NEBL: variants seen among roughly 807,000 people sequenced by gnomAD.
NEBL encodes the protein nebulette.
NEBL carries 122 observed loss-of-function variants against 140.2 expected under a neutral mutation model. The ratio of observed to expected loss-of-function variants is 0.87; its 90% CI spans 0.75 to 1.01. The LOEUF (loss-of-function observed/expected upper bound fraction) is 1.01, where lower values mean the gene tolerates loss of function less well. Ranked by LOEUF, NEBL falls within the 50% of genes least tolerant of loss-of-function variation. NEBL has a pLI of 0.00. For missense variants in NEBL, 1,365 were observed against 1,231.3 expected, an observed-to-expected ratio of 1.11 and a Z score of -1.62; for synonymous variants, 436 against 398.9, an observed-to-expected ratio of 1.09 and a Z score of -1.11.
intron 2 of NEBL, among the ~76,000 whole-genome samples, chr10:21,037,431 C>T (rs910071296): frequency 9.8e-6 from 1 of 102,036 alleles, no homozygotes; most frequent in Non-Finnish European, 2.2e-5. Flanking sequence ...AAAGTAAGAA[C>T]AAATTGCAAA....
chr10:21,073,635 A>C (rs968766671), intron 2 of NEBL, among the ~76,000 whole-genome samples: 1 of 151,354 alleles, frequency 6.6e-6, no homozygotes, highest in Non-Finnish European at 1.5e-5. Flanking sequence ...AAAAAAAAAA[A>C]AAGTCTTTAT....
intron 3 of NEBL, among the ~76,000 whole-genome samples, chr10:20,962,225 G>T (rs868120163): frequency 3.9e-5 from 6 of 152,298 alleles, no homozygotes; most frequent in Middle Eastern, 3.4e-3. Flanking sequence ...TCCTGTGCCC[G>T]CCTGTCAGTG....
At chr10:21,229,952 T>C (rs573398869) in intron 3 of NEBL, among the ~76,000 whole-genome samples, 187 of 152,338 alleles carry the variant, frequency 1.2e-3, no homozygotes, top group Middle Eastern at 3.4e-3. Flanking sequence ...GTGCCCTGCA[T>C]GGGGTGGCCA....
chr10:21,027,290 C>T (rs759749353), intron 2 of NEBL, among the ~76,000 whole-genome samples: 12 of 145,116 alleles, frequency 8.3e-5, no homozygotes, highest in Non-Finnish European at 1.1e-4. Context: ...AAATATTTAA[C>T]GTATTATCTT....
intron 4 of NEBL, among the ~76,000 whole-genome samples, chr10:20,917,423 C>A (rs1833358440): frequency 6.6e-6 from 1 of 152,184 alleles, no homozygotes; most frequent in Non-Finnish European, 1.5e-5. Flanking sequence ...GGCGTCACAA[C>A]AGAAGCAAAG....
chr10:20,825,375 G>A (rs867098388), intron 18 of NEBL, among the ~76,000 whole-genome samples: 11 of 152,098 alleles, frequency 7.2e-5, no homozygotes, highest in Non-Finnish European at 1.5e-4. Context: ...TAAATGTAAC[G>A]GAAAGGCACA....
In NEBL at chr10:20,989,277, C is replaced by A. The variant is rs187591986; in HGVS notation, c.250-27498G>T. ...TAGTTTAAAAACATATTTAATCCAA[C>A]TTTACTTTGGGGAGGTTTTTTGTTT... On this transcript the variant is annotated intron_variant, in intron 3 of 6. Coordinates refer to the NEBL transcript ENST00000417816. 2.7e-3 allele frequency among the ~76,000 whole-genome samples: 403 copies of A among 150,338 alleles called. 4 individuals are homozygous for A. The highest frequency in any genetic ancestry group is 9.5e-3 in the African/African-American group (379 of 39,730).
intron 3 of NEBL, among the ~76,000 whole-genome samples, chr10:20,976,461 A>C (rs1836802953): frequency 3.9e-5 from 6 of 152,118 alleles, no homozygotes; most frequent in Admixed American, 3.9e-4. Flanking sequence ...CAAAAAGACA[A>C]CTGCACTTGT....
At chr10:20,953,409 C>T (rs547303787) in intron 4 of NEBL, among the ~76,000 whole-genome samples, 1 of 152,282 alleles carries the variant, frequency 6.6e-6, no homozygotes, top group South Asian at 2.1e-4. Flanking sequence ...TCTGGCACTT[C>T]CCAGCCTCCA....
intron 4 of NEBL, among the ~76,000 whole-genome samples, chr10:20,912,396 C>T (rs1017079752): frequency 2.6e-5 from 4 of 152,252 alleles, no homozygotes; most frequent in Non-Finnish European, 1.5e-5. Flanking sequence ...GGCTGCAATG[C>T]GCTACGATCG....
intron 3 of NEBL, among the ~76,000 whole-genome samples, chr10:21,207,540 C>G (rs1195492669): frequency 1.3e-5 from 2 of 152,152 alleles, no homozygotes; most frequent in Admixed American, 6.5e-5. Context: ...GTTGTCCCCT[C>G]CTTTCTCCAC....
At chr10:20,834,489 T>C (rs1032698554) in intron 14 of NEBL, among the ~76,000 whole-genome samples, 1 of 152,210 alleles carries the variant, frequency 6.6e-6, no homozygotes, top group African/African-American at 2.4e-5. Flanking sequence ...CCCATTTCCC[T>C]GGCCAGTGCC....
intron 9 of NEBL, among the ~76,000 whole-genome samples, chr10:20,855,831 T>G (rs944535519): frequency 6.6e-6 from 1 of 152,206 alleles, no homozygotes; most frequent in Non-Finnish European, 1.5e-5. Context: ...TAAAGACATC[T>G]AGGGGTCTTT....
At chr10:21,243,628 G>T (rs1031724151) in intron 3 of NEBL, among the ~76,000 whole-genome samples, 3 of 152,030 alleles carry the variant, frequency 2.0e-5, no homozygotes, top group African/African-American at 7.3e-5. Context: ...CAGGAATCAT[G>T]CCAGTCATTT....
At chr10:20,793,008 T>C (rs1385915107) in intron 26 of NEBL, among the ~76,000 whole-genome samples, 1 of 152,090 alleles carries the variant, frequency 6.6e-6, no homozygotes, top group African/African-American at 2.4e-5. Context: ...TTATATGCAA[T>C]CTAGAAACAA....
At chr10:21,152,107 A>G (rs1320594530) in intron 2 of NEBL, among the ~76,000 whole-genome samples, 1 of 152,132 alleles carries the variant, frequency 6.6e-6, no homozygotes, top group African/African-American at 2.4e-5. Flanking sequence ...CATTTCCGCT[A>G]TCCGGAAATG....
intron 2 of NEBL, among the ~76,000 whole-genome samples, chr10:21,094,245 G>A (rs993519251): frequency 1.3e-5 from 2 of 152,108 alleles, no homozygotes; most frequent in East Asian, 3.9e-4. Flanking sequence ...GCTCACGCCT[G>A]TAATCCCAGC....
intron 10 of NEBL, 64 bp from the exon 11 acceptor site, chr10:20,850,566 A>G: frequency 1.9e-6 from 2 of 1,051,002 alleles, no homozygotes; most frequent in Non-Finnish European, 2.9e-6. Context: ...GCAAACTAAG[A>G]AAAAATATAT....
intron 2 of NEBL, among the ~76,000 whole-genome samples, chr10:21,047,515 C>T (rs1834574421): frequency 6.6e-6 from 1 of 151,914 alleles, no homozygotes; most frequent in African/African-American, 2.4e-5. Flanking sequence ...ATATTTAAAA[C>T]TGCCCCAAAT....
Sources: allele counts gnomAD v4.1 joint callset (sites outside exome capture counted in the v4.1 genomes callset), GRCh38; gene constraint gnomAD v4.1.1; transcripts MANE v1.5; gene names NCBI Gene and HGNC (gene_info 2026-07-23, HGNC 2026-07-21).